PRELID2: variants seen among roughly 807,000 people sequenced by gnomAD.
PRELID2 encodes PRELI domain-containing protein 2.
In PRELID2, 25 loss-of-function variants were observed where a neutral mutation model predicts 28.4. That is an observed-to-expected ratio of 0.88 (90% CI 0.64 to 1.23). PRELID2 has a LOEUF of 1.23. PRELID2 is among the 50% of genes most tolerant of loss of function. The pLI is 0.00. For missense variants in PRELID2, 201 were observed against 214.4 expected (o/e 0.94, Z 0.39); for synonymous variants, 76 against 71.6 (o/e 1.06, Z -0.31).
At chr5:145,665,513 C>A (rs1012259121) in intron 1 of PRELID2, among the ~76,000 whole-genome samples, 8 of 152,222 alleles carry the variant, frequency 5.3e-5, no homozygotes, top group Non-Finnish European at 1.0e-4. Flanking sequence ...ATTCTGCCAC[C>A]ATAGTCAGTA....
intron 1 of PRELID2, among the ~76,000 whole-genome samples, chr5:145,553,721 G>A (rs116723625): frequency 6.6e-6 from 1 of 152,162 alleles, no homozygotes; most frequent in African/African-American, 2.4e-5. Flanking sequence ...TTTTAGATCA[G>A]ATAATGTATG....
chr5:145,324,307 T>C, the PRELID2 span, among the ~76,000 whole-genome samples: 8 of 152,166 alleles, frequency 5.3e-5, no homozygotes, highest in African/African-American at 9.7e-5. Flanking sequence ...AAAAGACATG[T>C]CCAAAAATGC....
the PRELID2 span, among the ~76,000 whole-genome samples, chr5:145,254,249 A>T: frequency 6.6e-6 from 1 of 152,202 alleles, no homozygotes; most frequent in Admixed American, 6.6e-5. Flanking sequence ...TCCATGTTAA[A>T]CATATAGAGA....
chr5:145,729,384 G>A (rs1756268847), intron 1 of PRELID2: 2 of 482,560 alleles, frequency 4.1e-6, no homozygotes, highest in African/African-American at 2.1e-5. Flanking sequence ...CTCTAGCAGA[G>A]GCAGGTTACC....
At position 145,655,317 on chromosome 5, in the gene PRELID2, G is replaced by A. The variant is rs891628626; in HGVS notation, n.70+109614C>T. On this transcript the variant is annotated intron_variant and non_coding_transcript_variant, in intron 1 of 2. Coordinates refer to the PRELID2 transcript ENST00000510259. ...AAGAATCAATATCATGAAAATGGCCGTACTGCCCAAGGTAATTTATAGATT... is the reference window on the plus strand; with the variant it reads ...AAGAATCAATATCATGAAAATGGCCATACTGCCCAAGGTAATTTATAGATT... 7.6e-4 allele frequency among the ~76,000 whole-genome samples: 115 copies of A among 152,066 alleles called. 1 individual carries two copies. Among genetic ancestry groups the A allele is most frequent in the Middle Eastern group, 3.4e-3 (1 of 294 alleles).
rs533376784 is a variant in PRELID2, at chr5:145,495,074, G to A, written n.71-21759C>T. Among the ~76,000 whole-genome samples, 13 of 152,208 alleles carry A rather than the reference G, an allele frequency of 8.5e-5. No homozygotes were observed. The East Asian group carries it at 1.5e-3, about 18-fold the overall frequency. ...AAGTGGTCTATGCTCACTGTCTCTC[G>A]TTTCCTTCCTCCCACTATCTCCTTA... On this transcript the variant is annotated intron_variant and non_coding_transcript_variant, in intron 1 of 2. Coordinates refer to the PRELID2 transcript ENST00000510259.
chr5:145,661,718 A>G (rs996548440), intron 1 of PRELID2, among the ~76,000 whole-genome samples: 3 of 151,668 alleles, frequency 2.0e-5, no homozygotes, highest in African/African-American at 7.3e-5. Flanking sequence ...GCCATTTAGA[A>G]GGGAAAATAC....
chr5:145,702,734 A>G (rs1755439144), intron 1 of PRELID2, among the ~76,000 whole-genome samples: 1 of 152,142 alleles, frequency 6.6e-6, no homozygotes. Flanking sequence ...CTGCTTCTAA[A>G]CCAAGAAGCA....
At chr5:145,450,967 C>T in the PRELID2 span, 1 of 152,184 alleles carries the variant, frequency 6.6e-6, no homozygotes, top group African/African-American at 2.4e-5. Context: ...GAAGCATGGA[C>T]ATGCATTGAG....
chr5:145,405,699 GTTGTTTTTTT>G, the PRELID2 span, among the ~76,000 whole-genome samples: 1 of 45,992 alleles, frequency 2.2e-5, no homozygotes, highest in Admixed American at 3.2e-4. Context: ...GTACCACATA[GTTGTTTTTTT>G]TTTTTTTTTT....
chr5:145,373,555 TATG>T, the PRELID2 span, among the ~76,000 whole-genome samples: 1 of 10,436 alleles, frequency 9.6e-5, no homozygotes, highest in Non-Finnish European at 1.5e-4. Context: ...ATATAATATA[TATG>T]ATATTATATA....
the PRELID2 span, among the ~76,000 whole-genome samples, chr5:145,383,905 T>TG: frequency 6.6e-6 from 1 of 152,078 alleles, no homozygotes; most frequent in Non-Finnish European, 1.5e-5. Flanking sequence ...TATGTGTGTG[T>TG]GTATATATGT....
chr5:145,545,401 A>G (rs939871782), intron 1 of PRELID2, among the ~76,000 whole-genome samples: 13 of 151,954 alleles, frequency 8.6e-5, no homozygotes, highest in African/African-American at 2.9e-4. Context: ...TTAATTTTAA[A>G]CATTACTTTT....
At chr5:145,671,415 T>G (rs558338686) in intron 1 of PRELID2, among the ~76,000 whole-genome samples, 4 of 152,144 alleles carry the variant, frequency 2.6e-5, no homozygotes, top group African/African-American at 9.6e-5. Flanking sequence ...AATTAAAAAA[T>G]TTTCTGTATT....
At chr5:145,405,699 GTTGTTTTTT>G in the PRELID2 span, among the ~76,000 whole-genome samples, 2 of 46,006 alleles carry the variant, frequency 4.3e-5, no homozygotes, top group East Asian at 3.8e-4. Flanking sequence ...GTACCACATA[GTTGTTTTTT>G]TTTTTTTTTT....
chr5:145,428,917 C>T, the PRELID2 span, among the ~76,000 whole-genome samples: 4 of 77,736 alleles, frequency 5.1e-5, no homozygotes, highest in Non-Finnish European at 1.2e-4. Context: ...AATAAGGAGG[C>T]CAGTGTGGCT....
chr5:145,796,334 C>A, intron 5 of PRELID2, 108 bp downstream of exon 5: 1 of 567,628 alleles, frequency 1.8e-6, no homozygotes, highest in South Asian at 3.3e-5. Context: ...TGTTTATTAA[C>A]TATATGTTTT....
chr5:145,357,869 C>T, the PRELID2 span, among the ~76,000 whole-genome samples: 26 of 151,110 alleles, frequency 1.7e-4, no homozygotes, highest in African/African-American at 5.8e-4. Flanking sequence ...CTCATCTGTG[C>T]GTGCTGACAT....
intron 1 of PRELID2, among the ~76,000 whole-genome samples, chr5:145,575,955 T>C (rs1753056817): frequency 6.6e-6 from 1 of 152,080 alleles, no homozygotes; most frequent in Non-Finnish European, 1.5e-5. Flanking sequence ...CTCTTCTCCA[T>C]CCTCCCAACC....
Sources: gnomAD v4.1 joint callset for allele counts (sites outside exome capture counted in the v4.1 genomes callset) on GRCh38, gnomAD v4.1.1 for gene constraint, MANE v1.5 for transcripts, NCBI Gene and HGNC (gene_info 2026-07-23, HGNC 2026-07-21) for gene names.